AP1G1: variants seen among roughly 807,000 people sequenced by gnomAD.
AP1G1 encodes adaptor related protein complex 1 subunit gamma 1, also known as AP-1 complex subunit gamma-1.
A neutral mutation model predicts 108.3 loss-of-function variants in AP1G1; 7 were observed. The ratio of observed to expected loss-of-function variants is 0.06; its 90% CI spans 0.04 to 0.12. The LOEUF is 0.12. Ranked by LOEUF, AP1G1 falls within the 10% of genes least tolerant of loss-of-function variation. AP1G1 has a pLI of 1.00. For synonymous variants in AP1G1, 379 were observed against 353.5 expected (o/e 1.07, Z -0.81); for missense variants, 756 against 1,010.7 (o/e 0.75, Z 3.42).
In AP1G1 at chr16:71,739,047, A is replaced by C; in HGVS notation, c.2163T>G (p.Phe721Leu). The change falls in exon 21 of 23, where the codon TTT (phenylalanine) becomes TTG (leucine). Residue 721 changes from phenylalanine to leucine, a missense_variant. Phe to Leu is a conservative substitution (Grantham distance 22). Around this residue, in one of 3 missense-constraint regions of AP1G1, gnomAD observed 95 missense variants for 160.5 expected, o/e 0.59. Coordinates refer to ENST00000299980, the MANE Select transcript of AP1G1 (RefSeq NM_001128.6). Reference protein sequence around the residue: ...SKNGLKIEFTFERSNTNPSVT... With the variant: ...SKNGLKIEFTLERSNTNPSVT... ...CACTGGGGTTGGTATTTGACCGTTC[A>C]AAGGTGAATTCTATCTTCAAGCCAT... 1 of 1,614,214 alleles carries C rather than the reference A, an allele frequency of 6.2e-7. No homozygotes were observed. Among genetic ancestry groups the C allele is most frequent in the Non-Finnish European group, 8.5e-7 (1 of 1,180,028 alleles).
chr16:71,743,198 T>C (rs1278661801), intron 19 of AP1G1: 1 of 152,152 alleles, frequency 6.6e-6, no homozygotes, highest in Non-Finnish European at 1.5e-5. Flanking sequence ...GGATTTGAAA[T>C]TGACCATTTG....
chr16:71,745,610 C>A lies in AP1G1; in HGVS notation c.1735G>T (p.Ala579Ser). 1.2e-6 allele frequency: 2 copies of A among 1,614,012 alleles called. No individual in the cohort carries two copies. The highest frequency in any genetic ancestry group is 1.7e-5 in the Admixed American group (1 of 60,020). Residue 579 changes from alanine (A) to serine (S), a missense_variant, in exon 18 of 23, where the codon GCC becomes TCC. Around this residue, in one of 3 missense-constraint regions of AP1G1, gnomAD observed 357 missense variants for 366.5 expected, o/e 0.97. Transcript: ENST00000299980. ...ATGACAGGCATTCTCTCAAGTAGGG[C>A]AGACCTAGAAGAATCTGAAGTGGTT... Reference protein sequence around the residue: ...LFKKYDHMRSALLERMPVMEK... With the variant: ...LFKKYDHMRSSLLERMPVMEK...
At chr16:71,776,725 C>A (rs1597070940) in intron 2 of AP1G1, among the ~76,000 whole-genome samples, 1 of 152,266 alleles carries the variant, frequency 6.6e-6, no homozygotes, top group East Asian at 1.9e-4. Flanking sequence ...AGGACATACT[C>A]TTAGGCATTA....
intron 1 of AP1G1, among the ~76,000 whole-genome samples, chr16:71,797,273 G>T (rs1409898677): frequency 6.6e-6 from 1 of 151,892 alleles, no homozygotes; most frequent in African/African-American, 2.4e-5. Context: ...GTTGAAGGAG[G>T]TTATCTGATG....
At chr16:71,799,901 A>AAATAAT (rs145326343) in intron 1 of AP1G1, among the ~76,000 whole-genome samples, 8 of 147,294 alleles carry the variant, frequency 5.4e-5, no homozygotes, top group Non-Finnish European at 1.2e-4. Flanking sequence ...TCCATCTTAA[A>AAATAAT]AATAATAATA....
At chr16:71,769,587 A>G (rs1597064120) in intron 6 of AP1G1, 36 bp downstream of exon 6, 11 of 1,567,380 alleles carry the variant, frequency 7.0e-6, no homozygotes, top group East Asian at 2.2e-5. Context: ...TCATTTTTCA[A>G]TCAAGAAAGG....
At chr16:71,738,424 A>T (rs11642526) in intron 21 of AP1G1, among the ~76,000 whole-genome samples, 16,767 of 152,166 alleles carry the variant, frequency 0.11, 1,092 homozygotes, top group Non-Finnish European at 0.15. Context: ...TGTAAACCAA[A>T]CCTTGATTCA....
chr16:71,754,508 T>C (rs1453179211), intron 12 of AP1G1, among the ~76,000 whole-genome samples: 2 of 152,178 alleles, frequency 1.3e-5, no homozygotes, highest in Non-Finnish European at 2.9e-5. Flanking sequence ...TAAAAAGGTA[T>C]ACAGTCAACT....
chr16:71,734,185 T>C (rs1163016081), intron 22 of AP1G1, among the ~76,000 whole-genome samples: 1 of 152,228 alleles, frequency 6.6e-6, no homozygotes, highest in Admixed American at 6.5e-5. Context: ...AATAAAAATA[T>C]TGCTTAATTT....
intron 1 of AP1G1, among the ~76,000 whole-genome samples, chr16:71,804,129 C>G (rs1262039878): frequency 6.6e-6 from 1 of 151,568 alleles, no homozygotes; most frequent in African/African-American, 2.4e-5. Context: ...TCACCACAAC[C>G]TCCACCTCCC....
At chr16:71,799,944 G>T (rs950602881) in intron 1 of AP1G1, among the ~76,000 whole-genome samples, 16 of 150,534 alleles carry the variant, frequency 1.1e-4, no homozygotes, top group African/African-American at 3.2e-4. Context: ...ATATTGGCTG[G>T]GTGCGGTGGC....
chr16:71,744,816 T>C (rs1426162258), intron 19 of AP1G1, among the ~76,000 whole-genome samples: 1 of 152,118 alleles, frequency 6.6e-6, no homozygotes, highest in Non-Finnish European at 1.5e-5. Context: ...CCTCAGGTGA[T>C]CCACCTGCCT....
intron 2 of AP1G1, among the ~76,000 whole-genome samples, chr16:71,780,144 C>T (rs1474872004): frequency 6.6e-6 from 1 of 151,740 alleles, no homozygotes; most frequent in African/African-American, 2.4e-5. Context: ...CAGGCACGCA[C>T]CACTATATCC....
At chr16:71,735,627 G>A (rs148018625) in intron 21 of AP1G1, among the ~76,000 whole-genome samples, 3 of 150,962 alleles carry the variant, frequency 2.0e-5, no homozygotes, top group African/African-American at 4.9e-5. Context: ...CTGCACTCCA[G>A]CCTGGGCAAC....
intron 9 of AP1G1, among the ~76,000 whole-genome samples, chr16:71,762,324 G>A (rs2031127673): frequency 6.6e-6 from 1 of 152,122 alleles, no homozygotes; most frequent in Non-Finnish European, 1.5e-5. Context: ...TACATATGTG[G>A]TTTTTGTCCC....
Position 71,746,187 on chromosome 16 carries a change from T to A in AP1G1, c.1730+401A>T, listed in dbSNP as rs190262809. 2.3e-3 allele frequency among the ~76,000 whole-genome samples: 343 copies of A among 152,300 alleles called. 5 individuals carry two copies. The Middle Eastern group carries it at 0.048, about 21-fold the overall frequency. ...ACCATGCCCAACTAATTTTTTTGTATTTTTAGTAGAGACGGGGTTTCACCA... is the reference window on the plus strand; with the variant it reads ...ACCATGCCCAACTAATTTTTTTGTAATTTTAGTAGAGACGGGGTTTCACCA... On this transcript the variant is annotated intron_variant, in intron 17 of 22. Coordinates refer to ENST00000299980, the MANE Select transcript of AP1G1 (RefSeq NM_001128.6).
At chr16:71,801,416 T>TA (rs1005072900) in intron 1 of AP1G1, among the ~76,000 whole-genome samples, 15 of 151,850 alleles carry the variant, frequency 9.9e-5, no homozygotes, top group Admixed American at 6.6e-4. Context: ...TATGTACACT[T>TA]ACGTGAGTAT....
chr16:71,758,467 A>T, intron 11 of AP1G1: 1 of 532,982 alleles, frequency 1.9e-6, no homozygotes, highest in South Asian at 1.4e-5. Context: ...ATCACTCCGT[A>T]CTTTCATCCT....
chr16:71,808,196 CAA>C, intron 1 of AP1G1: 1 of 1,007,486 alleles, frequency 9.9e-7, no homozygotes, highest in East Asian at 1.1e-4. Context: ...TTGAAAAAAA[CAA>C]AACAACAACA....
Sources: allele counts gnomAD v4.1 joint callset (sites outside exome capture counted in the v4.1 genomes callset), GRCh38; gene constraint gnomAD v4.1.1; regional missense constraint gnomAD v4.1.1; transcripts MANE v1.5; gene names NCBI Gene and HGNC (gene_info 2026-07-23, HGNC 2026-07-21).